The following USP49 variants were observed in gnomAD, a reference collection of about 807,000 sequenced individuals.
The protein encoded by USP49 is ubiquitin carboxyl-terminal hydrolase 49.
Under a neutral mutation model 58.6 loss-of-function variants are expected in USP49, and 24 were observed. That is an observed-to-expected ratio of 0.41 (90% CI 0.30 to 0.58). The LOEUF is 0.58. Among genes scored for constraint, USP49 ranks in the 20% least tolerant of loss-of-function variants. USP49 has a pLI of 0.30. For missense variants in USP49, 703 were observed against 866.1 expected, an observed-to-expected ratio of 0.81 and a Z score of 2.36; for synonymous variants, 408 against 365.1, an observed-to-expected ratio of 1.12 and a Z score of -1.34.
chr6:41,836,505 C>T (rs776437877), intron 3 of USP49, among the ~76,000 whole-genome samples: 2 of 152,044 alleles, frequency 1.3e-5, no homozygotes, highest in Non-Finnish European at 2.9e-5. Context: ...CAGCGTAGTA[C>T]TGGAATTCCT....
At chr6:41,824,175 A>G (rs1456172797) in intron 3 of USP49, among the ~76,000 whole-genome samples, 3 of 152,186 alleles carry the variant, frequency 2.0e-5, no homozygotes, top group Non-Finnish European at 4.4e-5. Flanking sequence ...AGCATCTTAC[A>G]GTAACTGAGT....
intron 3 of USP49, among the ~76,000 whole-genome samples, chr6:41,860,911 G>A (rs566346855): frequency 1.6e-4 from 25 of 151,576 alleles, no homozygotes; most frequent in South Asian, 8.4e-4. Context: ...CAGGCAGATT[G>A]TCTAGCTCAG....
At chr6:41,805,520 A>T in intron 4 of USP49, 108 bp downstream of exon 4, 1 of 1,234,312 alleles carries the variant, frequency 8.1e-7, no homozygotes, top group African/African-American at 1.5e-5. Flanking sequence ...TTGCATAATC[A>T]CAGCAAATGT....
Position 41,806,454 on chromosome 6 carries a change from G to A in USP49, c.530C>T (p.Ala177Val). ...AKLEQRRQEEALERKKEEARR... is the reference protein window; with the variant it reads ...AKLEQRRQEEVLERKKEEARR... ...CGCCTCCTCCTTCTTGCGCTCCAGG[G>A]CCTCCTCCTGCCGCCGCTGCTCCAG... The change falls in exon 4 of 8, where the codon GCC becomes GTC. Residue 177 changes from alanine to valine, a missense_variant. Ala to Val is a moderately conservative substitution (Grantham distance 64). Transcript: ENST00000682992. This position sits in a 1 kb window ranked among gnomAD's most constrained non-coding sequence, Gnocchi z 5.9. 2 of 1,592,800 alleles carry A rather than the reference G, an allele frequency of 1.3e-6. No individual in the cohort carries two copies. Among genetic ancestry groups the A allele is most frequent in the Non-Finnish European group, 1.7e-6 (2 of 1,177,200 alleles).
chr6:41,798,677 T>G, intron 7 of USP49, 47 bp downstream of exon 7: 1 of 1,613,802 alleles, frequency 6.2e-7, no homozygotes, highest in Non-Finnish European at 8.5e-7. Context: ...TGTGGACAAA[T>G]CAACCCCTTT....
intron 3 of USP49, among the ~76,000 whole-genome samples, chr6:41,815,626 T>A (rs1773336359): frequency 6.6e-6 from 1 of 152,124 alleles, no homozygotes; most frequent in South Asian, 2.1e-4. Context: ...TAAGTCATAG[T>A]GCAGTTCAAA....
chr6:41,856,145 G>C (rs144269193), intron 3 of USP49, among the ~76,000 whole-genome samples: 2,519 of 152,146 alleles, frequency 0.017, 53 homozygotes, highest in African/African-American at 0.05. Context: ...AGGCCTAGGT[G>C]GGTGGATCAC....
At chr6:41,885,947 T>C (rs542197198) in intron 2 of USP49, among the ~76,000 whole-genome samples, 13 of 152,356 alleles carry the variant, frequency 8.5e-5, no homozygotes, top group Non-Finnish European at 1.3e-4. Flanking sequence ...TAAAGCACAC[T>C]TACCTTTCAC....
At chr6:41,871,447 T>C (rs1195455637) in intron 3 of USP49, 117 bp downstream of exon 3, 3 of 152,190 alleles carry the variant, frequency 2.0e-5, no homozygotes, top group African/African-American at 7.2e-5. Context: ...AGAATGGAGT[T>C]AGACAAAACA....
chr6:41,834,489 T>C (rs970497965), intron 3 of USP49, among the ~76,000 whole-genome samples: 1 of 152,184 alleles, frequency 6.6e-6, no homozygotes, highest in Non-Finnish European at 1.5e-5. Flanking sequence ...CCAAATCTCA[T>C]GTTGAATTGT....
intron 2 of USP49, among the ~76,000 whole-genome samples, chr6:41,882,274 G>A (rs371222534): frequency 1.2e-4 from 19 of 152,066 alleles, no homozygotes; most frequent in African/African-American, 4.1e-4. Flanking sequence ...TCTACTAACT[G>A]TGCCCCCTTT....
At position 41,806,376 on chromosome 6, in the gene USP49, G is replaced by T. The variant is rs750554647; in HGVS notation, c.608C>A (p.Thr203Asn). Residue 203 changes from threonine to asparagine, a missense_variant, in exon 4 of 8, where the codon ACC (threonine) becomes AAC (asparagine). Physicochemically the swap from Thr to Asn is moderately conservative, Grantham distance 65 (BLOSUM62 0). Around this residue, in one of 6 missense-constraint regions of USP49, gnomAD observed 376 missense variants for 373.5 expected, o/e 1.01. Coordinates refer to ENST00000682992, the MANE Select transcript of USP49 (RefSeq NM_001286554.2). The surrounding 1 kb of genome is among the most constrained non-coding windows in gnomAD (Gnocchi z 5.9). ...CAGCCGTGCACTCTTGCGCGGAGGGGTGCTGGCCAGCTCCTCCAGCAGCCG... is the reference window on the plus strand; with the variant it reads ...CAGCCGTGCACTCTTGCGCGGAGGGTTGCTGGCCAGCTCCTCCAGCAGCCG... ...KRRLLEELAS[T>N]PPRKSARLLL... 6 of 1,545,234 alleles carry T rather than the reference G, an allele frequency of 3.9e-6. No individual in the cohort carries two copies. In the African/African-American group the frequency reaches 8.2e-5, roughly 21 times the overall value.
chr6:41,832,756 A>G (rs1286571025), intron 3 of USP49: 1 of 152,212 alleles, frequency 6.6e-6, no homozygotes, highest in Non-Finnish European at 1.5e-5. Flanking sequence ...TGTAGAAATC[A>G]GCCAAAACAA....
At chr6:41,859,703 A>G (rs1774187626) in intron 3 of USP49, among the ~76,000 whole-genome samples, 1 of 152,200 alleles carries the variant, frequency 6.6e-6, no homozygotes, top group Admixed American at 6.5e-5. Context: ...GATTCTTTTT[A>G]CATACAGAGG....
chr6:41,878,378 AGATTGG>A (rs918454346), intron 2 of USP49, among the ~76,000 whole-genome samples: 16 of 152,206 alleles, frequency 1.1e-4, no homozygotes, highest in African/African-American at 3.4e-4. Context: ...GATCTTAGCC[AGATTGG>A]GAATTCCTTC....
intron 2 of USP49, among the ~76,000 whole-genome samples, chr6:41,877,027 C>G (rs1321438969): frequency 2.6e-5 from 4 of 152,174 alleles, no homozygotes; most frequent in African/African-American, 9.7e-5. Flanking sequence ...TTGTACATAT[C>G]GCCCAGAGTA....
At chr6:41,821,746 A>AT (rs1773456800) in intron 3 of USP49, among the ~76,000 whole-genome samples, 1 of 152,100 alleles carries the variant, frequency 6.6e-6, no homozygotes, top group Non-Finnish European at 1.5e-5. Flanking sequence ...TGCACTCCTG[A>AT]TTTTTTAACA....
intron 3 of USP49, among the ~76,000 whole-genome samples, chr6:41,831,011 C>G (rs1209542033): frequency 6.6e-6 from 1 of 152,002 alleles, no homozygotes; most frequent in African/African-American, 2.4e-5. Context: ...AATCCCAGCA[C>G]TTTGGGAGGC....
At chr6:41,844,637 C>A (rs1773889538) in intron 3 of USP49, among the ~76,000 whole-genome samples, 1 of 152,128 alleles carries the variant, frequency 6.6e-6, no homozygotes, top group Admixed American at 6.5e-5. Flanking sequence ...TCAATTTCAT[C>A]AAAAGACTTG....
Sources: gnomAD v4.1 joint callset for allele counts (sites outside exome capture counted in the v4.1 genomes callset) on GRCh38, gnomAD v4.1.1 for gene constraint, gnomAD v4.1.1 regional missense constraint, Gnocchi (gnomAD v3.1) non-coding constraint, MANE v1.5 for transcripts, NCBI Gene and HGNC (gene_info 2026-07-23, HGNC 2026-07-21) for gene names.